HS3ST3A1: variants seen among roughly 807,000 people sequenced by gnomAD.
HS3ST3A1 encodes the protein heparan sulfate-glucosamine 3-sulfotransferase 3A1.
HS3ST3A1 carries 19 observed loss-of-function variants against 25.7 expected under a neutral mutation model. That is an observed-to-expected ratio of 0.74 (90% confidence interval 0.52 to 1.08). The LOEUF is 1.08. Among genes scored for constraint, HS3ST3A1 ranks in the 50% least tolerant of loss-of-function variants. The pLI, the probability that HS3ST3A1 is intolerant of heterozygous loss-of-function variation, is 0.00. For missense variants in HS3ST3A1, 459 were observed against 594.3 expected (o/e 0.77, Z 2.37); for synonymous variants, 226 against 278.6 (o/e 0.81, Z 1.88).
At position 13,580,042 on chromosome 17, in the gene HS3ST3A1, A is replaced by G. The variant is rs544561680; in HGVS notation, c.599+20489T>C. Among the ~76,000 whole-genome samples, 10 of 151,914 alleles carry G rather than the reference A, an allele frequency of 6.6e-5. No individual in the cohort carries two copies. The South Asian group carries it at 2.1e-3, about 31-fold the overall frequency. On this transcript the variant is annotated intron_variant, in intron 1 of 1. Transcript: ENST00000284110. ...ACAAAAGCAAGGCTACCAGTTTTGC[A>G]TTTGCCATGTCTTGCATTTGCCATT...
chr17:13,553,335 T>C (rs1483154749), intron 1 of HS3ST3A1, among the ~76,000 whole-genome samples: 2 of 152,110 alleles, frequency 1.3e-5, no homozygotes, highest in African/African-American at 4.8e-5. Context: ...ATACCTTGTG[T>C]GAGAGAAGCT....
At chr17:13,574,078 A>T (rs574269326) in intron 1 of HS3ST3A1, among the ~76,000 whole-genome samples, 1 of 151,544 alleles carries the variant, frequency 6.6e-6, no homozygotes, top group South Asian at 2.1e-4. Flanking sequence ...TTCTCACCCC[A>T]GTACTCTCTA....
At chr17:13,542,904 T>C (rs1906976556) in intron 1 of HS3ST3A1, among the ~76,000 whole-genome samples, 1 of 151,976 alleles carries the variant, frequency 6.6e-6, no homozygotes, top group African/African-American at 2.4e-5. Context: ...TGGCCAGTGG[T>C]TTAATCAATC....
intron 1 of HS3ST3A1, among the ~76,000 whole-genome samples, chr17:13,498,183 A>G (rs564637026): frequency 6.6e-6 from 1 of 152,326 alleles, no homozygotes; most frequent in Admixed American, 6.5e-5. Flanking sequence ...TGGATTAATA[A>G]GTATTCCTGC....
chr17:13,593,630 C>T (rs1359666997), intron 1 of HS3ST3A1, among the ~76,000 whole-genome samples: 1 of 152,204 alleles, frequency 6.6e-6, no homozygotes, highest in Non-Finnish European at 1.5e-5. Flanking sequence ...AAAAGAGAAT[C>T]GGCACAGACA....
chr17:13,512,888 A>G (rs1340774327), intron 1 of HS3ST3A1, among the ~76,000 whole-genome samples: 1 of 152,166 alleles, frequency 6.6e-6, no homozygotes, highest in African/African-American at 2.4e-5. Flanking sequence ...AATTAAATTG[A>G]GTCATTTTTG....
At chr17:13,526,499 T>C (rs1906430835) in intron 1 of HS3ST3A1, among the ~76,000 whole-genome samples, 1 of 134,742 alleles carries the variant, frequency 7.4e-6, no homozygotes, top group African/African-American at 2.8e-5. Context: ...TATATATATA[T>C]ATATATATAT....
chr17:13,564,719 CTTT>C (rs397812904), intron 1 of HS3ST3A1, among the ~76,000 whole-genome samples: 3 of 124,314 alleles, frequency 2.4e-5, no homozygotes, highest in Admixed American at 1.7e-4. Context: ...GACTTCTTTC[CTTT>C]TTTTTTTTTT....
At chr17:13,591,704 G>A (rs966734377) in intron 1 of HS3ST3A1, among the ~76,000 whole-genome samples, 9 of 149,588 alleles carry the variant, frequency 6.0e-5, no homozygotes, top group Non-Finnish European at 1.2e-4. Context: ...TGTTGCCCAG[G>A]CTGGAGTGCA....
At chr17:13,556,224 C>A (rs192542490) in intron 1 of HS3ST3A1, among the ~76,000 whole-genome samples, 198 of 152,288 alleles carry the variant, frequency 1.3e-3, no homozygotes, top group South Asian at 7.7e-3. Flanking sequence ...CAAGGCAAAG[C>A]CGGCCGGGCG....
Position 13,600,733 on chromosome 17 carries a change from C to T in HS3ST3A1, c.397G>A (p.Val133Met), listed in dbSNP as rs1156713823. The T allele has an allele frequency of 1.3e-6, 2 of 1,536,710 alleles. No homozygotes were observed. Among genetic ancestry groups the T allele is most frequent in the Non-Finnish European group, 8.7e-7 (1 of 1,148,692 alleles). ...GPGGSGAGST[V>M]AEAPPGTLAL... ...AGGGTCCCCGGCGGGGCCTCGGCCA[C>T]GGTGCTTCCGGCCCCGGAGCCGCCC... is the stretch of plus-strand genomic sequence containing the variant. Residue 133 changes from valine to methionine, a missense_variant, in exon 1 of 2, where the codon GTG becomes ATG. Val to Met is a conservative substitution (Grantham distance 21, BLOSUM62 1). This residue lies in a region of HS3ST3A1 where 346 missense variants were observed against 303.9 expected (regional missense o/e 1.14). Coordinates refer to ENST00000284110, the MANE Select transcript of HS3ST3A1 (RefSeq NM_006042.3).
At position 13,506,933 on chromosome 17, in the gene HS3ST3A1, G is replaced by T. The variant is rs796074754; in HGVS notation, c.600-10115C>A. Among the ~76,000 whole-genome samples the T allele has an allele frequency of 9.9e-5, 15 of 151,904 alleles. No homozygotes were observed. The South Asian group carries it at 2.7e-3, about 27-fold the overall frequency. ...AAAAAAAAAAAATTAGCCAGGCCTG[G>T]GGGTGGAGCCTTGTAATCCCAGCTC... On this transcript the variant is annotated intron_variant, in intron 1 of 1. Coordinates refer to ENST00000284110, the MANE Select transcript of HS3ST3A1 (RefSeq NM_006042.3).
At chr17:13,556,439 C>T (rs1484961487) in intron 1 of HS3ST3A1, among the ~76,000 whole-genome samples, 6 of 151,446 alleles carry the variant, frequency 4.0e-5, no homozygotes, top group Admixed American at 2.0e-4. Context: ...ACCCGGGAGG[C>T]GGAGCTTGCA....
chr17:13,504,032 G>T (rs1398640417), intron 1 of HS3ST3A1, among the ~76,000 whole-genome samples: 1 of 152,174 alleles, frequency 6.6e-6, no homozygotes, highest in African/African-American at 2.4e-5. Flanking sequence ...ACCTGTGAGT[G>T]GGCTGGGTGT....
At position 13,592,459 on chromosome 17, in the gene HS3ST3A1, A is replaced by G. The variant is rs148080384; in HGVS notation, c.599+8072T>C. ...GGGTCCAATTATTTTGCTATTTTAAAAAAGGCTAAAACGCATGAAGAAAAG... is the reference window on the plus strand; with the variant it reads ...GGGTCCAATTATTTTGCTATTTTAAGAAAGGCTAAAACGCATGAAGAAAAG... On this transcript the variant is annotated intron_variant, in intron 1 of 1. Transcript: ENST00000284110. Among the ~76,000 whole-genome samples, 500 of 152,342 alleles carry G rather than the reference A, an allele frequency of 3.3e-3. 5 individuals are homozygous for G. Among genetic ancestry groups the G allele is most frequent in the Non-Finnish European group, 5.7e-3 (389 of 68,024 alleles).
chr17:13,549,165 A>C (rs1031295602), intron 1 of HS3ST3A1, among the ~76,000 whole-genome samples: 1 of 152,186 alleles, frequency 6.6e-6, no homozygotes, highest in African/African-American at 2.4e-5. Context: ...TCACGAACCC[A>C]CTGGGAGGAA....
intron 1 of HS3ST3A1, among the ~76,000 whole-genome samples, chr17:13,564,398 C>A (rs985695384): frequency 2.0e-5 from 3 of 152,100 alleles, no homozygotes; most frequent in African/African-American, 7.2e-5. Flanking sequence ...CCCTTGGTAT[C>A]CACAAAGGAT....
chr17:13,551,800 T>G (rs931385489), intron 1 of HS3ST3A1, among the ~76,000 whole-genome samples: 13 of 152,230 alleles, frequency 8.5e-5, no homozygotes, highest in Admixed American at 3.9e-4. Context: ...ACCATAATGA[T>G]TTGTTTTCCA....
intron 1 of HS3ST3A1, among the ~76,000 whole-genome samples, chr17:13,574,784 G>A (rs1006041647): frequency 3.3e-5 from 5 of 151,282 alleles, no homozygotes; most frequent in African/African-American, 7.3e-5. Flanking sequence ...AAAAATGAAG[G>A]GCATGTCTCA....
Sources: gnomAD v4.1 joint callset for allele counts (sites outside exome capture counted in the v4.1 genomes callset) on GRCh38, gnomAD v4.1.1 for gene constraint, gnomAD v4.1.1 regional missense constraint, MANE v1.5 for transcripts, NCBI Gene and HGNC (gene_info 2026-07-23, HGNC 2026-07-21) for gene names.